The following EXOC6B variants were observed in gnomAD, a reference collection of about 807,000 sequenced individuals.
The protein encoded by EXOC6B is SEC15 homolog B.
Under a neutral mutation model 113.5 loss-of-function variants are expected in EXOC6B, and 54 were observed. The observed-to-expected ratio is 0.48, with a 90% CI of 0.38 to 0.60. The LOEUF is 0.60. Ranked by LOEUF, EXOC6B falls within the 20% of genes least tolerant of loss-of-function variation. The pLI is 0.00. For synonymous variants in EXOC6B, 357 were observed against 339.0 expected, an observed-to-expected ratio of 1.05 and a Z score of -0.58; for missense variants, 797 against 977.5, an observed-to-expected ratio of 0.82 and a Z score of 2.46.
chr2:72,179,313 T>C lies in EXOC6B; in HGVS notation c.*22A>G. 6.4e-7 allele frequency: 1 copy of C among 1,574,580 alleles called. No individual in the cohort carries two copies. The highest frequency in any genetic ancestry group is 2.3e-5 in the East Asian group (1 of 44,340). On this transcript the variant is annotated 3_prime_UTR_variant, in exon 22 of 22. Coordinates refer to ENST00000272427, the MANE Select transcript of EXOC6B (RefSeq NM_015189.3). ...GACACAGAGGCTGCAGCAGGTCGCC[T>C]CTGTGGGTCCGGGGTCACCCTTCAT...
chr2:72,285,143 C>G (rs913433659), intron 20 of EXOC6B, among the ~76,000 whole-genome samples: 1 of 151,884 alleles, frequency 6.6e-6, no homozygotes, highest in African/African-American at 2.4e-5. Flanking sequence ...TATGAAGAGG[C>G]AATATATCCA....
At chr2:72,480,813 T>C in intron 16 of EXOC6B, 63 bp from the exon 17 acceptor site, 1 of 1,490,834 alleles carries the variant, frequency 6.7e-7, no homozygotes, top group Non-Finnish European at 9.1e-7. Context: ...AATGGCTCAA[T>C]ATGAATCTGC....
chr2:72,699,421 T>G (rs983873343), intron 6 of EXOC6B, among the ~76,000 whole-genome samples: 1 of 148,446 alleles, frequency 6.7e-6, no homozygotes, highest in African/African-American at 2.5e-5. Flanking sequence ...GAGGTTGCAG[T>G]GAGCCAAGAT....
intron 18 of EXOC6B, among the ~76,000 whole-genome samples, chr2:72,412,557 A>C (rs1027994516): frequency 2.0e-5 from 3 of 152,232 alleles, no homozygotes; most frequent in Non-Finnish European, 4.4e-5. Flanking sequence ...AAACGTCTAC[A>C]GAAAGATGAA....
intron 18 of EXOC6B, among the ~76,000 whole-genome samples, chr2:72,406,168 A>G (rs2105195951): frequency 6.6e-6 from 1 of 152,316 alleles, no homozygotes; most frequent in Non-Finnish European, 1.5e-5. Context: ...CTAAATATAT[A>G]TGCACCCAAT....
At chr2:72,646,037 G>A (rs1415931672) in intron 6 of EXOC6B, among the ~76,000 whole-genome samples, 2 of 152,128 alleles carry the variant, frequency 1.3e-5, no homozygotes, top group Non-Finnish European at 2.9e-5. Context: ...AAAATTGATA[G>A]ACCATTAGCA....
At chr2:72,641,209 T>C (rs1673200734) in intron 6 of EXOC6B, among the ~76,000 whole-genome samples, 1 of 152,222 alleles carries the variant, frequency 6.6e-6, no homozygotes, top group Non-Finnish European at 1.5e-5. Context: ...TAATTGGGAC[T>C]GGTTGGACAG....
rs61290907 is a variant in EXOC6B, at chr2:72,443,320, C to CAA, written c.1980+21838_1980+21839dup. Among the ~76,000 whole-genome samples the CAA allele has an allele frequency of 2.8e-3, 262 of 92,762 alleles. 1 individual carries two copies. The highest frequency in any genetic ancestry group is 7.0e-3 in the African/African-American group (219 of 31,302). The allele number at this position is 92,762 out of a possible 152,430, so 60.9% of individuals were successfully genotyped here. On this transcript the variant is annotated intron_variant, in intron 18 of 21. Transcript: ENST00000272427. ...CCTGGGTGACAGAGCGAGATTCTGTCAAAAAAAAAAAAAAAAAGAAAGAAA... is the reference window on the plus strand; with the variant it reads ...CCTGGGTGACAGAGCGAGATTCTGTCAAAAAAAAAAAAAAAAAAAGAAAGAAA...
chr2:72,213,273 A>T (rs1295101928), intron 20 of EXOC6B, among the ~76,000 whole-genome samples: 2 of 152,242 alleles, frequency 1.3e-5, no homozygotes, highest in Non-Finnish European at 2.9e-5. Flanking sequence ...AGCTAATACC[A>T]CGTAAAACTG....
chr2:72,202,203 AT>A (rs1486944814), intron 20 of EXOC6B, among the ~76,000 whole-genome samples: 2 of 152,204 alleles, frequency 1.3e-5, no homozygotes, highest in Admixed American at 1.3e-4. Context: ...ACCTGCTCCA[AT>A]TTCTTGAATA....
intron 6 of EXOC6B, among the ~76,000 whole-genome samples, chr2:72,672,434 T>C (rs1335769897): frequency 6.6e-6 from 1 of 150,384 alleles, no homozygotes; most frequent in Admixed American, 6.6e-5. Flanking sequence ...ATCGAGACCA[T>C]CCTGGCTAAC....
intron 1 of EXOC6B, among the ~76,000 whole-genome samples, chr2:72,806,680 C>T (rs1373764234): frequency 6.6e-6 from 1 of 152,236 alleles, no homozygotes; most frequent in Non-Finnish European, 1.5e-5. Context: ...TTCTCTGCAA[C>T]CTCACCAGCA....
intron 1 of EXOC6B, among the ~76,000 whole-genome samples, chr2:72,780,268 T>C (rs1290818766): frequency 1.3e-5 from 2 of 152,130 alleles, no homozygotes; most frequent in Non-Finnish European, 2.9e-5. Flanking sequence ...ATACCTACAA[T>C]ACAATGAATT....
chr2:72,275,369 A>T (rs185955422), intron 20 of EXOC6B, among the ~76,000 whole-genome samples: 1 of 152,274 alleles, frequency 6.6e-6, no homozygotes, highest in East Asian at 1.9e-4. Context: ...GCAACACTTC[A>T]TGGCTCACAG....
intron 20 of EXOC6B, among the ~76,000 whole-genome samples, chr2:72,321,830 TA>T (rs909882810): frequency 6.6e-6 from 1 of 152,090 alleles, no homozygotes; most frequent in African/African-American, 2.4e-5. Flanking sequence ...TGTAAGTTTG[TA>T]AAAAAATTTA....
At chr2:72,776,306 G>C (rs560317836) in intron 1 of EXOC6B, among the ~76,000 whole-genome samples, 9 of 152,114 alleles carry the variant, frequency 5.9e-5, no homozygotes, top group Non-Finnish European at 1.0e-4. Context: ...AAGACTGGTC[G>C]ATTTTACTAA....
intron 6 of EXOC6B, among the ~76,000 whole-genome samples, chr2:72,672,059 T>C (rs906442463): frequency 2.0e-5 from 3 of 152,104 alleles, no homozygotes; most frequent in Non-Finnish European, 2.9e-5. Context: ...CTGGCAAGGA[T>C]ATGGAGGACG....
chr2:72,278,219 T>A (rs1684918632), intron 20 of EXOC6B, among the ~76,000 whole-genome samples: 1 of 152,184 alleles, frequency 6.6e-6, no homozygotes, highest in African/African-American at 2.4e-5. Context: ...AAATCCTGAG[T>A]CATCACAGGG....
intron 16 of EXOC6B, among the ~76,000 whole-genome samples, chr2:72,482,671 C>A (rs1699174303): frequency 6.6e-6 from 1 of 152,146 alleles, no homozygotes; most frequent in South Asian, 2.1e-4. Context: ...ACAAATAGGA[C>A]TATAATCAGA....
Sources: gnomAD v4.1 joint callset for allele counts (sites outside exome capture counted in the v4.1 genomes callset) on GRCh38, gnomAD v4.1.1 for gene constraint, MANE v1.5 for transcripts, NCBI Gene and HGNC (gene_info 2026-07-23, HGNC 2026-07-21) for gene names.